DPYD: variants seen among roughly 807,000 people sequenced by gnomAD.
DPYD encodes dihydropyrimidine dehydrogenase, also known as dihydropyrimidine dehydrogenase [NADP(+)].
DPYD carries 109 observed loss-of-function variants against 116.2 expected under a neutral mutation model. The ratio of observed to expected loss-of-function variants is 0.94; its 90% CI spans 0.80 to 1.10. The LOEUF (loss-of-function observed/expected upper bound fraction) is 1.10, where lower values mean the gene tolerates loss of function less well. Among genes scored for constraint, DPYD ranks in the 50% least tolerant of loss-of-function variants. DPYD has a pLI of 0.00. For synonymous variants in DPYD, 440 were observed against 432.0 expected, an observed-to-expected ratio of 1.02 and a Z score of -0.23; for missense variants, 1,302 against 1,254.5, an observed-to-expected ratio of 1.04 and a Z score of -0.57.
intron 18 of DPYD, among the ~76,000 whole-genome samples, chr1:97,270,491 A>G (rs2100889841): frequency 6.6e-6 from 1 of 152,256 alleles, no homozygotes; most frequent in Non-Finnish European, 1.5e-5. Context: ...ACCATTCCCC[A>G]TTCATATGGA....
At chr1:97,088,009 C>T (rs985946150) in intron 21 of DPYD, among the ~76,000 whole-genome samples, 3 of 152,142 alleles carry the variant, frequency 2.0e-5, no homozygotes, top group Non-Finnish European at 4.4e-5. Flanking sequence ...TGATGCCACC[C>T]TTTTATTTCA....
chr1:97,527,863 A>G (rs1392120070), intron 12 of DPYD, among the ~76,000 whole-genome samples: 1 of 151,178 alleles, frequency 6.6e-6, no homozygotes, highest in African/African-American at 2.4e-5. Context: ...TGTTTGTTAT[A>G]TTTGATTGAA....
At chr1:97,523,069 T>C (rs1456786955) in intron 12 of DPYD, among the ~76,000 whole-genome samples, 1 of 152,142 alleles carries the variant, frequency 6.6e-6, no homozygotes, top group African/African-American at 2.4e-5. Flanking sequence ...GCAAGAATCA[T>C]TTTATAACCT....
At position 97,505,755 on chromosome 1, in the gene DPYD, C is replaced by T. The variant is rs544813833; in HGVS notation, c.1740+9971G>A. Reference sequence around the variant, plus strand: ...AAATACATCAAATCTTGCCCAGATACCTAAAAATGGTACTTTCTTTAATGA... The same window carrying T: ...AAATACATCAAATCTTGCCCAGATATCTAAAAATGGTACTTTCTTTAATGA... On this transcript the variant is annotated intron_variant, in intron 13 of 22. Coordinates refer to ENST00000370192, the MANE Select transcript of DPYD (RefSeq NM_000110.4). Among the ~76,000 whole-genome samples the T allele has an allele frequency of 4.1e-3, 619 of 151,918 alleles. 1 individual carries two copies. Among genetic ancestry groups the T allele is most frequent in the Non-Finnish European group, 5.8e-3 (397 of 67,910 alleles).
At chr1:97,777,386 T>C (rs1666467025) in intron 3 of DPYD, among the ~76,000 whole-genome samples, 1 of 152,220 alleles carries the variant, frequency 6.6e-6, no homozygotes, top group Non-Finnish European at 1.5e-5. Context: ...AAGGCCACAC[T>C]AATTTCTCTT....
intron 1 of DPYD, among the ~76,000 whole-genome samples, chr1:97,910,836 T>C (rs963296825): frequency 1.3e-5 from 2 of 152,114 alleles, no homozygotes; most frequent in African/African-American, 2.4e-5. Context: ...CATTTTGTTG[T>C]GATCTCATGA....
intron 10 of DPYD, 22 bp from the exon 11 acceptor site, chr1:97,573,992 A>G (rs752120260): frequency 2.5e-6 from 4 of 1,612,012 alleles, no homozygotes; most frequent in Admixed American, 1.7e-5. Flanking sequence ...CAGAACAGAG[A>G]AGAAACTTGA....
intron 9 of DPYD, 144 bp downstream of exon 9, chr1:97,594,915 T>TG: frequency 1.7e-6 from 1 of 579,528 alleles, no homozygotes; most frequent in Admixed American, 3.0e-5. Context: ...TACCCGGCCT[T>TG]TTTTTTTTTA....
chr1:97,761,392 G>GA (rs1181285036), intron 3 of DPYD, among the ~76,000 whole-genome samples: 1 of 152,006 alleles, frequency 6.6e-6, no homozygotes, highest in African/African-American at 2.4e-5. Flanking sequence ...ATCCCTTAAT[G>GA]ACAAAACGAG....
intron 13 of DPYD, among the ~76,000 whole-genome samples, chr1:97,463,399 C>T (rs1007415007): frequency 6.6e-6 from 1 of 152,120 alleles, no homozygotes; most frequent in Admixed American, 6.5e-5. Flanking sequence ...CCTCTCTAGC[C>T]ATGTGAAACT....
chr1:97,200,714 C>T (rs144885566), intron 19 of DPYD, among the ~76,000 whole-genome samples: 1,598 of 152,236 alleles, frequency 0.01, 97 homozygotes, highest in Admixed American at 0.099. Flanking sequence ...AGCATGGTGA[C>T]AAACAAGATT....
At chr1:97,693,646 A>G (rs538416763) in intron 6 of DPYD, among the ~76,000 whole-genome samples, 1 of 152,288 alleles carries the variant, frequency 6.6e-6, no homozygotes, top group South Asian at 2.1e-4. Flanking sequence ...ATATGGACTA[A>G]AACTGGGCAC....
chr1:97,242,170 A>C (rs1312427623), intron 18 of DPYD, among the ~76,000 whole-genome samples: 2 of 108,962 alleles, frequency 1.8e-5, no homozygotes, highest in East Asian at 2.7e-4. Flanking sequence ...ATATATATAT[A>C]TCTTCTAAGT....
chr1:97,724,301 GGGGGGGGTGTGTGTGTGTGTGTGTGTGT>G (rs1490714740), intron 4 of DPYD, among the ~76,000 whole-genome samples: 348 of 15,530 alleles, frequency 0.022, 6 homozygotes, highest in African/African-American at 0.076. Context: ...TGTGGGGGGG[GGGGGGGGTGTGTGTGTGTGTGTGTGTGT>G]GTGTGTGTGT....
intron 1 of DPYD, among the ~76,000 whole-genome samples, chr1:97,900,227 A>C (rs767726823): frequency 6.6e-6 from 1 of 151,912 alleles, no homozygotes; most frequent in Non-Finnish European, 1.5e-5. Context: ...GAAAGACAGA[A>C]ACCTGTTGAC....
At chr1:97,319,302 C>G (rs1363171137) in intron 16 of DPYD, among the ~76,000 whole-genome samples, 2 of 151,088 alleles carry the variant, frequency 1.3e-5, no homozygotes, top group African/African-American at 4.9e-5. Flanking sequence ...AGCTGGTTTT[C>G]TGAAAGGATC....
At chr1:97,415,939 T>C (rs1384417333) in intron 14 of DPYD, among the ~76,000 whole-genome samples, 4 of 152,188 alleles carry the variant, frequency 2.6e-5, no homozygotes, top group Non-Finnish European at 5.9e-5. Flanking sequence ...TCTTATAAGT[T>C]TTATTTTCTC....
At chr1:97,596,369 A>G (rs892894063) in intron 8 of DPYD, among the ~76,000 whole-genome samples, 1 of 152,148 alleles carries the variant, frequency 6.6e-6, no homozygotes, top group Admixed American at 6.5e-5. Context: ...AATTTTCTAC[A>G]TTGTACATAT....
At chr1:97,496,561 C>T (rs1679276469) in intron 13 of DPYD, among the ~76,000 whole-genome samples, 1 of 152,070 alleles carries the variant, frequency 6.6e-6, no homozygotes, top group African/African-American at 2.4e-5. Context: ...CTCACTACAT[C>T]ATCCTTCCAG....
Sources: gnomAD v4.1 joint callset for allele counts (sites outside exome capture counted in the v4.1 genomes callset) on GRCh38, gnomAD v4.1.1 for gene constraint, MANE v1.5 for transcripts, NCBI Gene and HGNC (gene_info 2026-07-23, HGNC 2026-07-21) for gene names.